DNAAF4: variants seen among roughly 807,000 people sequenced by gnomAD.
The protein encoded by DNAAF4 is dynein axonemal assembly factor 4.
Under a neutral mutation model 51.8 loss-of-function variants are expected in DNAAF4, and 43 were observed. The ratio of observed to expected loss-of-function variants is 0.83; its 90% CI spans 0.65 to 1.07. The LOEUF is 1.07. Ranked by LOEUF, DNAAF4 falls within the 50% of genes least tolerant of loss-of-function variation. DNAAF4 has a pLI of 0.00. For synonymous variants in DNAAF4, 194 were observed against 165.6 expected, an observed-to-expected ratio of 1.17 and a Z score of -1.32; for missense variants, 581 against 493.0, an observed-to-expected ratio of 1.18 and a Z score of -1.69.
intron 5 of DNAAF4, among the ~76,000 whole-genome samples, chr15:55,450,737 C>T (rs1443210307): frequency 6.6e-6 from 1 of 152,192 alleles, no homozygotes; most frequent in African/African-American, 2.4e-5. Context: ...GTATCTCCTA[C>T]ATACTTTATC....
At chr15:55,490,212 T>A (rs1023052251) in intron 4 of DNAAF4, among the ~76,000 whole-genome samples, 20 of 152,020 alleles carry the variant, frequency 1.3e-4, no homozygotes, top group African/African-American at 4.3e-4. Flanking sequence ...TCAAAATAGG[T>A]ATATCTATTG....
At chr15:55,430,872 C>T in intron 9 of DNAAF4, 93 bp from the exon 10 acceptor site, 1 of 1,010,036 alleles carries the variant, frequency 9.9e-7, no homozygotes, top group Non-Finnish European at 1.5e-6. Flanking sequence ...AAAATAATCA[C>T]TAGTAGCATG....
chr15:55,498,474 C>A lies in DNAAF4; in HGVS notation c.-145G>T, dbSNP rs1222842228. 9.6e-6 allele frequency: 12 copies of A among 1,256,364 alleles called. No individual in the cohort carries two copies. The highest frequency in any genetic ancestry group is 1.2e-5 in the Non-Finnish European group (11 of 934,762). 77.8% of individuals were successfully genotyped at this position (1,256,364 alleles called of 1,614,324 possible). ...TTCCCAGCGTGCTCCGGCGCCAGCA[C>A]CTCGCGGACTCCATGCGTGACTATC... On this transcript the variant is annotated 5_prime_UTR_variant, in exon 2 of 10. Transcript: ENST00000321149.
At chr15:55,439,068 CACAA>C (rs996918944) in intron 7 of DNAAF4, among the ~76,000 whole-genome samples, 2 of 152,162 alleles carry the variant, frequency 1.3e-5, no homozygotes, top group African/African-American at 4.8e-5. Flanking sequence ...TCCAACAACA[CACAA>C]ACAGACAAAA....
chr15:55,429,641 C>A (rs1595887180), downstream of DNAAF4, among the ~76,000 whole-genome samples: 1 of 151,602 alleles, frequency 6.6e-6, no homozygotes, highest in Non-Finnish European at 1.5e-5. Context: ...CATGGTGAAA[C>A]CCCATCTCTA....
intron 3 of DNAAF4, among the ~76,000 whole-genome samples, chr15:55,492,840 A>AT (rs1283133588): frequency 6.6e-6 from 1 of 152,170 alleles, no homozygotes; most frequent in Non-Finnish European, 1.5e-5. Flanking sequence ...GGCCGGCCAA[A>AT]TTGTGATACA....
At chr15:55,485,877 C>T (rs1022791584) in intron 4 of DNAAF4, among the ~76,000 whole-genome samples, 9 of 151,140 alleles carry the variant, frequency 6.0e-5, no homozygotes, top group African/African-American at 1.5e-4. Flanking sequence ...CACCTGTAGT[C>T]GCAGCTACTC....
chr15:55,491,048 G>T, intron 4 of DNAAF4, 75 bp downstream of exon 4: 1 of 1,550,520 alleles, frequency 6.4e-7, no homozygotes, highest in Non-Finnish European at 8.8e-7. Flanking sequence ...AGGAAGTCCA[G>T]CAGCTGGAAC....
At chr15:55,462,545 T>C (rs997070363) in intron 5 of DNAAF4, among the ~76,000 whole-genome samples, 1 of 151,074 alleles carries the variant, frequency 6.6e-6, no homozygotes, top group Non-Finnish European at 1.5e-5. Flanking sequence ...CTATTAAAAC[T>C]ATTTCAAAAG....
chr15:55,426,994 C>T (rs756822388), downstream of DNAAF4, among the ~76,000 whole-genome samples: 18 of 152,176 alleles, frequency 1.2e-4, no homozygotes, highest in Non-Finnish European at 2.2e-4. Context: ...TATTAAGACA[C>T]GGAAATTGCA....
chr15:55,442,737 C>A (rs1004941096), intron 6 of DNAAF4: 4 of 1,565,272 alleles, frequency 2.6e-6, no homozygotes, highest in East Asian at 2.2e-5. Flanking sequence ...CAAAAAATTT[C>A]TTTCCTTCAA....
intron 6 of DNAAF4, among the ~76,000 whole-genome samples, chr15:55,442,014 C>A (rs1441187468): frequency 6.6e-6 from 1 of 152,166 alleles, no homozygotes; most frequent in Non-Finnish European, 1.5e-5. Context: ...ATTCTTCATG[C>A]TTGGTTTTCT....
rs1218375850 is a variant in DNAAF4 at position 55,434,049 on chromosome 15, T to A, written c.1047+856A>T. Among the ~76,000 whole-genome samples, 3 of 55,808 alleles carry A rather than the reference T, an allele frequency of 5.4e-5. No homozygotes were observed. The South Asian group carries it at 2.5e-3, about 46-fold the overall frequency. 36.6% of individuals were successfully genotyped at this position (55,808 alleles called of 152,430 possible). A position where few individuals can be genotyped will look rare whatever the true frequency, so the allele number is the denominator to read the frequency against. ...ATATAATATATATTATATATATATA[T>A]AAAACAAATAATTATTATCAGGTTT... On this transcript the variant is annotated intron_variant, in intron 8 of 9. Coordinates refer to ENST00000321149, the MANE Select transcript of DNAAF4 (RefSeq NM_130810.4).
At chr15:55,483,803 G>C (rs2058444900) in intron 4 of DNAAF4, among the ~76,000 whole-genome samples, 1 of 133,350 alleles carries the variant, frequency 7.5e-6, no homozygotes, top group African/African-American at 2.8e-5. Flanking sequence ...TGGGATTACA[G>C]GCATGAGCCA....
At chr15:55,458,687 AG>A (rs1214697829) in intron 5 of DNAAF4, among the ~76,000 whole-genome samples, 3 of 152,204 alleles carry the variant, frequency 2.0e-5, no homozygotes, top group African/African-American at 7.2e-5. Flanking sequence ...AGAAGCTCAA[AG>A]AACACCCGGG....
chr15:55,423,568 C>G (rs564221971), intron 7 of DNAAF4, among the ~76,000 whole-genome samples: 63 of 152,212 alleles, frequency 4.1e-4, no homozygotes, highest in Admixed American at 9.2e-4. Flanking sequence ...CTGATTAGAA[C>G]ACATTTTGAG....
At chr15:55,462,611 A>T (rs993353514) in intron 5 of DNAAF4, among the ~76,000 whole-genome samples, 1 of 151,814 alleles carries the variant, frequency 6.6e-6, no homozygotes, top group Admixed American at 6.6e-5. Context: ...CCCTAATACC[A>T]AAACCAGGAA....
Position 55,443,186 on chromosome 15 carries a change from G to A in DNAAF4, c.784-3605C>T, listed in dbSNP as rs565097726. The A allele has an allele frequency of 2.4e-4, 393 of 1,610,176 alleles. 6 individuals carry two copies. In the South Asian group the frequency reaches 4.2e-3, roughly 17 times the overall value. ...ATAAACTGGTCAAAGAGCAGTCTTA[G>A]GTCCTTGTTCCAGCTGGGGTTGGGG... On this transcript the variant is annotated intron_variant, in intron 6 of 9. Coordinates refer to ENST00000321149, the MANE Select transcript of DNAAF4 (RefSeq NM_130810.4).
At chr15:55,436,366 G>T (rs2141414613) in intron 7 of DNAAF4, among the ~76,000 whole-genome samples, 1 of 151,920 alleles carries the variant, frequency 6.6e-6, no homozygotes, top group Admixed American at 6.6e-5. Context: ...TAAGTTCTTT[G>T]CCCATTATTA....
Sources: gnomAD v4.1 joint callset for allele counts (sites outside exome capture counted in the v4.1 genomes callset) on GRCh38, gnomAD v4.1.1 for gene constraint, MANE v1.5 for transcripts, NCBI Gene and HGNC (gene_info 2026-07-23, HGNC 2026-07-21) for gene names.